MAGI2: variants seen among roughly 807,000 people sequenced by gnomAD.
MAGI2 encodes the protein membrane associated guanylate kinase, WW and PDZ domain containing 2.
MAGI2 carries 35 observed loss-of-function variants against 133.3 expected under a neutral mutation model. The ratio of observed to expected loss-of-function variants is 0.26; its 90% CI spans 0.20 to 0.35. The LOEUF is 0.35. Among genes scored for constraint, MAGI2 ranks in the 10% least tolerant of loss-of-function variants. The probability of loss-of-function intolerance (pLI) is 1.00; values close to 1 mark genes in which losing one functional copy is unlikely to be tolerated. For missense variants in MAGI2, 1,636 were observed against 1,863.4 expected (o/e 0.88, Z 2.25); for synonymous variants, 729 against 710.6 (o/e 1.03, Z -0.41).
intron 3 of MAGI2, among the ~76,000 whole-genome samples, chr7:78,545,654 T>C (rs932214808): frequency 6.6e-6 from 1 of 152,324 alleles, no homozygotes; most frequent in South Asian, 2.1e-4. Context: ...GTAGAATACA[T>C]GGTAAGAGTA....
chr7:78,624,822 T>C (rs1184375912), intron 3 of MAGI2, among the ~76,000 whole-genome samples: 29 of 152,142 alleles, frequency 1.9e-4, no homozygotes, highest in Admixed American at 1.9e-3. Context: ...TAGCGTGTAA[T>C]ACTTGATATT....
At chr7:78,239,046 T>C (rs2150900261) in intron 10 of MAGI2, among the ~76,000 whole-genome samples, 1 of 134,764 alleles carries the variant, frequency 7.4e-6, no homozygotes, top group Admixed American at 7.9e-5. Context: ...AATTCTATCC[T>C]GGATATCTCT....
At chr7:78,688,398 T>A (rs1240155705) in intron 2 of MAGI2, among the ~76,000 whole-genome samples, 1 of 152,222 alleles carries the variant, frequency 6.6e-6, no homozygotes, top group Non-Finnish European at 1.5e-5. Flanking sequence ...TATTAAATAC[T>A]ATGTTTCAAT....
At chr7:78,077,103 A>G (rs1478026654) in intron 21 of MAGI2, among the ~76,000 whole-genome samples, 2 of 152,128 alleles carry the variant, frequency 1.3e-5, no homozygotes, top group Non-Finnish European at 2.9e-5. Context: ...CTACAGAAAA[A>G]TGAAAAGCTC....
intron 2 of MAGI2, among the ~76,000 whole-genome samples, chr7:78,681,100 T>C (rs1332619546): frequency 6.6e-6 from 1 of 151,918 alleles, no homozygotes; most frequent in African/African-American, 2.4e-5. Flanking sequence ...ACCCTCAGAC[T>C]CCCCCGACAA....
chr7:78,747,521 C>A (rs542829654), intron 2 of MAGI2, among the ~76,000 whole-genome samples: 16 of 151,070 alleles, frequency 1.1e-4, no homozygotes, highest in African/African-American at 3.7e-4. Flanking sequence ...GTCGACTAAA[C>A]CAGAAAAAAA....
chr7:78,216,688 C>G (rs1472776311), intron 10 of MAGI2, among the ~76,000 whole-genome samples: 1 of 152,196 alleles, frequency 6.6e-6, no homozygotes, highest in East Asian at 1.9e-4. Flanking sequence ...AGGGTCACTT[C>G]AGAGGTAACT....
chr7:78,309,905 A>T (rs1798556991), intron 9 of MAGI2, among the ~76,000 whole-genome samples: 1 of 152,128 alleles, frequency 6.6e-6, no homozygotes. Context: ...AAAATATTCT[A>T]CATAAAAATC....
At chr7:78,397,894 C>A (rs1169200411) in intron 6 of MAGI2, among the ~76,000 whole-genome samples, 1 of 152,104 alleles carries the variant, frequency 6.6e-6, no homozygotes, top group Non-Finnish European at 1.5e-5. Flanking sequence ...TTTCTGTCCT[C>A]TTTTATTTCT....
At chr7:78,606,125 T>C (rs1463736982) in intron 3 of MAGI2, among the ~76,000 whole-genome samples, 1 of 152,154 alleles carries the variant, frequency 6.6e-6, no homozygotes, top group Non-Finnish European at 1.5e-5. Flanking sequence ...GGCAGTTGTG[T>C]AGATGGCTGT....
At chr7:78,411,719 T>C (rs1277362650) in intron 6 of MAGI2, among the ~76,000 whole-genome samples, 1 of 152,050 alleles carries the variant, frequency 6.6e-6, no homozygotes, top group Admixed American at 6.6e-5. Flanking sequence ...AGAACATGGA[T>C]AAGTTTAAGT....
chr7:78,666,650 G>A (rs748595755), intron 2 of MAGI2, among the ~76,000 whole-genome samples: 1 of 152,190 alleles, frequency 6.6e-6, no homozygotes, highest in Non-Finnish European at 1.5e-5. Context: ...ATACCTGGTA[G>A]CTTCACAGGG....
chr7:79,205,610 G>T (rs1041170619), intron 1 of MAGI2, among the ~76,000 whole-genome samples: 1 of 151,400 alleles, frequency 6.6e-6, no homozygotes, highest in African/African-American at 2.4e-5. Flanking sequence ...ACTATAATTT[G>T]GTGTATAAAT....
At chr7:79,045,855 A>T (rs1812130044) in intron 1 of MAGI2, among the ~76,000 whole-genome samples, 1 of 152,106 alleles carries the variant, frequency 6.6e-6, no homozygotes, top group Non-Finnish European at 1.5e-5. Flanking sequence ...CACAAGGGGG[A>T]TCTTCAGGAC....
intron 1 of MAGI2, among the ~76,000 whole-genome samples, chr7:79,373,397 G>A (rs192407153): frequency 1.2e-4 from 18 of 152,008 alleles, no homozygotes; most frequent in African/African-American, 4.3e-4. Flanking sequence ...GACCAATACA[G>A]TTCCCTTCTG....
intron 1 of MAGI2, among the ~76,000 whole-genome samples, chr7:79,104,723 A>G (rs1454519095): frequency 2.6e-5 from 4 of 152,154 alleles, no homozygotes; most frequent in Non-Finnish European, 5.9e-5. Flanking sequence ...AAGAAAAGAA[A>G]AAAAGGCTAG....
At chr7:78,168,413 G>C (rs1489458969) in intron 14 of MAGI2, among the ~76,000 whole-genome samples, 2 of 152,180 alleles carry the variant, frequency 1.3e-5, no homozygotes, top group South Asian at 2.1e-4. Context: ...TTTAGTGCTA[G>C]AGATAAATAT....
intron 2 of MAGI2, among the ~76,000 whole-genome samples, chr7:78,929,638 C>T (rs966642107): frequency 2.0e-5 from 3 of 152,064 alleles, no homozygotes; most frequent in Non-Finnish European, 2.9e-5. Flanking sequence ...CTTCCATCAT[C>T]ACGTAGGCTT....
intron 9 of MAGI2, among the ~76,000 whole-genome samples, chr7:78,336,760 AAAGAAGC>A (rs1789809109): frequency 6.6e-6 from 1 of 152,038 alleles, no homozygotes; most frequent in African/African-American, 2.4e-5. Context: ...AAGAGAGAAG[AAAGAAGC>A]AAGAAGAAGA....
Sources: gnomAD v4.1 joint callset for allele counts (sites outside exome capture counted in the v4.1 genomes callset) on GRCh38, gnomAD v4.1.1 for gene constraint, MANE v1.5 for transcripts, NCBI Gene and HGNC (gene_info 2026-07-23, HGNC 2026-07-21) for gene names.